Variants in PCSK5 observed in about 807,000 individuals in gnomAD.
The protein encoded by PCSK5 is proprotein convertase subtilisin/kexin type 5.
Under a neutral mutation model 233.2 loss-of-function variants are expected in PCSK5, and 129 were observed. The observed-to-expected ratio is 0.55, with a 90% CI of 0.48 to 0.64. The LOEUF (loss-of-function observed/expected upper bound fraction) is 0.64. Among genes scored for constraint, PCSK5 ranks in the 30% least tolerant of loss-of-function variants. The pLI is 0.00. For synonymous variants in PCSK5, 825 were observed against 879.2 expected, an observed-to-expected ratio of 0.94 and a Z score of 1.09; for missense variants, 2,076 against 2,430.1, an observed-to-expected ratio of 0.85 and a Z score of 3.06.
chr9:75,940,162 A>T (rs1274839840), intron 2 of PCSK5, among the ~76,000 whole-genome samples: 1 of 152,204 alleles, frequency 6.6e-6, no homozygotes, highest in Non-Finnish European at 1.5e-5. Context: ...GACAGGGCAA[A>T]CATTTCTATA....
intron 1 of PCSK5, among the ~76,000 whole-genome samples, chr9:75,919,162 G>T (rs945770634): frequency 1.3e-5 from 2 of 152,196 alleles, no homozygotes; most frequent in Non-Finnish European, 2.9e-5. Flanking sequence ...AGCTGCTAAT[G>T]TGTGTTCTGG....
chr9:76,095,771 C>A, intron 7 of PCSK5, 119 bp from the exon 8 acceptor site: 2 of 829,136 alleles, frequency 2.4e-6, no homozygotes, highest in Admixed American at 2.1e-5. Context: ...TGCTTAAGCC[C>A]AGCATATTAA....
intron 1 of PCSK5, among the ~76,000 whole-genome samples, chr9:75,905,316 C>T (rs1826214666): frequency 6.6e-6 from 1 of 151,904 alleles, no homozygotes; most frequent in East Asian, 1.9e-4. Flanking sequence ...CAAGACCAGC[C>T]TGGGCAATAA....
At chr9:75,930,458 C>T (rs950185121) in intron 1 of PCSK5, among the ~76,000 whole-genome samples, 4 of 152,078 alleles carry the variant, frequency 2.6e-5, no homozygotes, top group African/African-American at 9.7e-5. Context: ...GGAATAGTTC[C>T]CTGGCATGGT....
intron 1 of PCSK5, among the ~76,000 whole-genome samples, chr9:75,929,861 CTTTTTTT>C (rs146665133): frequency 7.4e-5 from 10 of 135,162 alleles, no homozygotes; most frequent in African/African-American, 2.7e-4. Context: ...TGTCAGATCT[CTTTTTTT>C]TTTTTTTTTT....
intron 1 of PCSK5, among the ~76,000 whole-genome samples, chr9:75,897,480 C>CTTTCT (rs1177052247): frequency 3.3e-5 from 4 of 121,610 alleles, no homozygotes; most frequent in African/African-American, 1.3e-4. Flanking sequence ...GCAAGATTTT[C>CTTTCT]TTTCTTTTCT....
rs554478797 is a variant in PCSK5, at chr9:76,043,072, C to T, written c.632+16035C>T. On this transcript the variant is annotated intron_variant, in intron 5 of 37. Transcript: ENST00000674117. Reference sequence around the variant, plus strand: ...TAAAGAAATGTACTTTCAGGCCAGGCGCCGTCGCTCACGCCTGTAATCCCA... The same window carrying T: ...TAAAGAAATGTACTTTCAGGCCAGGTGCCGTCGCTCACGCCTGTAATCCCA... 7.2e-5 allele frequency among the ~76,000 whole-genome samples: 11 copies of T among 152,232 alleles called. No individual in the cohort carries two copies. In the East Asian group the frequency reaches 1.7e-3, roughly 24 times the overall value.
intron 20 of PCSK5, among the ~76,000 whole-genome samples, chr9:76,216,033 G>A (rs1457179276): frequency 6.6e-6 from 1 of 152,186 alleles, no homozygotes; most frequent in Admixed American, 6.5e-5. Context: ...TTCTACCAGA[G>A]GGACTGAATT....
chr9:76,251,587 A>C (rs928679317), intron 24 of PCSK5, among the ~76,000 whole-genome samples: 3 of 151,626 alleles, frequency 2.0e-5, no homozygotes, highest in Admixed American at 6.6e-5. Flanking sequence ...AAAAGACAGA[A>C]AGAAAAAGAA....
chr9:76,205,776 A>C (rs1825093534), intron 20 of PCSK5, among the ~76,000 whole-genome samples: 1 of 152,194 alleles, frequency 6.6e-6, no homozygotes, highest in South Asian at 2.1e-4. Context: ...GAATGATTCA[A>C]ATCAAACTCA....
intron 20 of PCSK5, among the ~76,000 whole-genome samples, chr9:76,226,156 A>G (rs1212029124): frequency 6.6e-6 from 1 of 152,168 alleles, no homozygotes; most frequent in East Asian, 1.9e-4. Context: ...GTGTGCTGTG[A>G]TTAGATGTTT....
intron 5 of PCSK5, among the ~76,000 whole-genome samples, chr9:76,033,012 G>C (rs1422083077): frequency 6.6e-6 from 1 of 152,144 alleles, no homozygotes; most frequent in Non-Finnish European, 1.5e-5. Context: ...TCTGATTCAA[G>C]GAAGCTTTAA....
intron 1 of PCSK5, among the ~76,000 whole-genome samples, chr9:75,894,738 G>A (rs1430039189): frequency 6.6e-6 from 1 of 152,152 alleles, no homozygotes; most frequent in East Asian, 1.9e-4. Context: ...GCCGAGGGTA[G>A]GAGGTGTGCA....
intron 24 of PCSK5, among the ~76,000 whole-genome samples, chr9:76,246,110 G>T (rs1443776698): frequency 6.6e-6 from 1 of 152,014 alleles, no homozygotes; most frequent in African/African-American, 2.4e-5. Context: ...GGAGGCCGAG[G>T]CGGGCAGATC....
Position 76,134,192 on chromosome 9 carries a change from C to A in PCSK5, c.1292C>A (p.Thr431Asn). 4 of 1,603,886 alleles carry A rather than the reference C, an allele frequency of 2.5e-6. No homozygotes were observed. The highest frequency in any genetic ancestry group is 3.4e-6 in the Non-Finnish European group (4 of 1,173,644). ...CATTTGAACGCTAATGACTGGAAAA[C>A]CAATGCTGCTGGTTTTAAGGGTGAG... ...AGHLNANDWK[T>N]NAAGFKVSHL... Residue 431 changes from threonine to asparagine, a missense_variant, in exon 10 of 38, where the codon ACC becomes AAC. By Grantham distance (65) the Thr-to-Asn change is moderately conservative. This residue lies in a region of PCSK5 where 178 missense variants were observed against 393.6 expected (regional missense o/e 0.45). Coordinates refer to ENST00000674117, the MANE Select transcript of PCSK5 (RefSeq NM_001372043.1).
At chr9:76,297,497 G>A (rs1425256593) in intron 27 of PCSK5, among the ~76,000 whole-genome samples, 1 of 152,182 alleles carries the variant, frequency 6.6e-6, no homozygotes, top group Admixed American at 6.5e-5. Context: ...CAACAGCAAA[G>A]CCCTGCAGGT....
At chr9:75,950,150 G>A (rs1303843194) in intron 2 of PCSK5, among the ~76,000 whole-genome samples, 4 of 141,594 alleles carry the variant, frequency 2.8e-5, no homozygotes, top group East Asian at 4.6e-4. Context: ...TGTGTGGGGG[G>A]GGCGGGGAGG....
At chr9:76,159,197 G>C in intron 12 of PCSK5, 26 bp downstream of exon 12, 1 of 1,605,492 alleles carries the variant, frequency 6.2e-7, no homozygotes, top group African/African-American at 1.3e-5. Context: ...CTGCCCACCA[G>C]TGTAGTAGTC....
At chr9:76,348,945 AT>A (rs1830046634) in intron 35 of PCSK5, among the ~76,000 whole-genome samples, 1 of 152,106 alleles carries the variant, frequency 6.6e-6, no homozygotes, top group South Asian at 2.1e-4. Flanking sequence ...TATGTTAAAA[AT>A]TGAAGTAAGA....
Sources: gnomAD v4.1 joint callset for allele counts (sites outside exome capture counted in the v4.1 genomes callset) on GRCh38, gnomAD v4.1.1 for gene constraint, gnomAD v4.1.1 regional missense constraint, MANE v1.5 for transcripts, NCBI Gene and HGNC (gene_info 2026-07-23, HGNC 2026-07-21) for gene names.